Variants in SBF2 observed in about 807,000 individuals in gnomAD.
SBF2 encodes the protein SET binding factor 2.
In SBF2, 112 loss-of-function variants were observed where a neutral mutation model predicts 225.2. The observed-to-expected ratio is 0.50, with a 90% CI of 0.43 to 0.58. The LOEUF (loss-of-function observed/expected upper bound fraction) is 0.58. Among genes scored for constraint, SBF2 ranks in the 20% least tolerant of loss-of-function variants. The pLI is 0.00. For missense variants in SBF2, 1,996 were observed against 2,206.2 expected (o/e 0.90, Z 1.91); for synonymous variants, 763 against 773.3 (o/e 0.99, Z 0.22).
intron 1 of SBF2, among the ~76,000 whole-genome samples, chr11:10,267,399 A>G (rs1401325582): frequency 7.9e-5 from 12 of 152,278 alleles, no homozygotes; most frequent in Non-Finnish European, 1.3e-4. Context: ...AGAACTGATA[A>G]GGGCCTAAAC....
chr11:10,120,950 G>C (rs1350852290), intron 2 of SBF2, among the ~76,000 whole-genome samples: 2 of 151,942 alleles, frequency 1.3e-5, no homozygotes, highest in Non-Finnish European at 2.9e-5. Context: ...ATTTTTGGTA[G>C]AGACGAGGTT....
intron 6 of SBF2, among the ~76,000 whole-genome samples, chr11:10,024,180 T>C (rs918881379): frequency 6.6e-6 from 1 of 152,224 alleles, no homozygotes; most frequent in East Asian, 1.9e-4. Flanking sequence ...TTAGTAGTAT[T>C]ACATTGTATG....
At chr11:10,001,599 A>G (rs1408652452) in intron 7 of SBF2, among the ~76,000 whole-genome samples, 1 of 151,050 alleles carries the variant, frequency 6.6e-6, no homozygotes, top group Non-Finnish European at 1.5e-5. Flanking sequence ...ATCTCGGCTC[A>G]CTGCAAGCTC....
intron 2 of SBF2, among the ~76,000 whole-genome samples, chr11:10,169,290 A>T (rs1222029247): frequency 2.0e-5 from 3 of 151,950 alleles, no homozygotes; most frequent in Non-Finnish European, 4.4e-5. Context: ...ACCCAACTAT[A>T]TTTTTGTGCC....
Position 9,852,708 on chromosome 11 carries a change from G to T in SBF2, c.2578C>A (p.Arg860=), listed in dbSNP as rs764814296. The change falls in exon 21 of 40, where the codon CGA becomes AGA. Residue 860 remains arginine, a synonymous_variant. Coordinates refer to ENST00000256190, the MANE Select transcript of SBF2 (RefSeq NM_030962.4). ...ATAGGCGGAAGTCTTCTGCTTTCTC[G>T]ATGTACTGCTTCTAGGGTCTCAATG... ...MHIETLEAVH[R]ESRRLPPIQK... is the part of the protein sequence containing the mutation. 1.2e-6 allele frequency: 2 copies of T among 1,613,268 alleles called. No homozygotes were observed. Among genetic ancestry groups the T allele is most frequent in the Non-Finnish European group, 1.7e-6 (2 of 1,179,364 alleles).
chr11:10,023,483 A>C (rs1948934506), intron 6 of SBF2, among the ~76,000 whole-genome samples: 1 of 152,182 alleles, frequency 6.6e-6, no homozygotes, highest in African/African-American at 2.4e-5. Context: ...TTGCAGAAGA[A>C]TTTCATTCCT....
intron 6 of SBF2, among the ~76,000 whole-genome samples, chr11:10,023,353 C>A (rs1590780068): frequency 6.6e-6 from 1 of 152,172 alleles, no homozygotes; most frequent in Non-Finnish European, 1.5e-5. Context: ...GTTCTTTTAA[C>A]AAGCCTCTAA....
At chr11:10,064,763 C>T (rs1950572339) in intron 2 of SBF2, among the ~76,000 whole-genome samples, 1 of 152,060 alleles carries the variant, frequency 6.6e-6, no homozygotes, top group Non-Finnish European at 1.5e-5. Flanking sequence ...TAATAAAGAT[C>T]TTTGAACTAT....
intron 6 of SBF2, among the ~76,000 whole-genome samples, chr11:10,010,967 T>G (rs777047207): frequency 6.6e-6 from 1 of 152,130 alleles, no homozygotes; most frequent in East Asian, 1.9e-4. Context: ...CCTTGTAAGT[T>G]GTATTCCTAG....
chr11:9,948,374 A>C (rs1865681151), intron 16 of SBF2, among the ~76,000 whole-genome samples: 1 of 152,156 alleles, frequency 6.6e-6, no homozygotes, highest in African/African-American at 2.4e-5. Context: ...AATATACGTA[A>C]TGCCACTAAG....
rs185816884 is a variant in SBF2, at chr11:10,030,846, A to G, written c.402+202T>C. The stretch of plus-strand genomic sequence containing the variant: ...TTAAAACAAACACTACATCCTTAGA[A>G]GTTTTAGTAGTCACATTAACTTATT... On this transcript the variant is annotated intron_variant, in intron 4 of 39. Transcript: ENST00000256190. Among the ~76,000 whole-genome samples the G allele has an allele frequency of 2.8e-3, 426 of 152,318 alleles. 1 individual carries two copies. Among genetic ancestry groups the G allele is most frequent in the Non-Finnish European group, 2.9e-3 (200 of 68,018 alleles).
chr11:9,928,253 G>A (rs567466666), intron 16 of SBF2, among the ~76,000 whole-genome samples: 71 of 152,038 alleles, frequency 4.7e-4, no homozygotes, highest in Non-Finnish European at 7.1e-4. Context: ...TTCCAAACTC[G>A]GTAATAAGAA....
chr11:10,187,666 C>T (rs1175560776), intron 2 of SBF2, among the ~76,000 whole-genome samples: 2 of 151,640 alleles, frequency 1.3e-5, no homozygotes, highest in Non-Finnish European at 2.9e-5. Flanking sequence ...ATCTAACTTG[C>T]TTTTTCGTTA....
At chr11:10,167,721 GAAGT>G (rs1956026612) in intron 2 of SBF2, among the ~76,000 whole-genome samples, 2 of 152,278 alleles carry the variant, frequency 1.3e-5, no homozygotes, top group East Asian at 3.9e-4. Context: ...TTGCCTTGAT[GAAGT>G]AATAGGCCAC....
chr11:10,271,196 C>CTTTT lies in SBF2; in HGVS notation c.55+22815_55+22818dup, dbSNP rs35931698. On this transcript the variant is annotated intron_variant, in intron 1 of 39. Coordinates refer to ENST00000256190, the MANE Select transcript of SBF2 (RefSeq NM_030962.4). ...AAAACCAAGGACAGCAATCTTGATTCTTTTTTTTTTTTTTTTTTGAAGTTA... is the reference window on the plus strand; with the variant it reads ...AAAACCAAGGACAGCAATCTTGATTCTTTTTTTTTTTTTTTTTTTTTTGAAGTTA... 4.6e-3 allele frequency among the ~76,000 whole-genome samples: 369 copies of CTTTT among 81,074 alleles called. 53 individuals are homozygous for CTTTT. Among genetic ancestry groups the CTTTT allele is most frequent in the Middle Eastern group, 0.014 (2 of 146 alleles). The allele number at this position is 81,074 out of a possible 152,430, so 53.2% of individuals were successfully genotyped here. A position where few individuals can be genotyped will look rare whatever the true frequency, so the allele number is the denominator to read the frequency against.
At chr11:9,998,739 T>C (rs1233282693) in intron 8 of SBF2, among the ~76,000 whole-genome samples, 2 of 152,196 alleles carry the variant, frequency 1.3e-5, no homozygotes, top group Non-Finnish European at 2.9e-5. Flanking sequence ...ATGATGACAA[T>C]GCCTGGGAGG....
chr11:9,930,293 A>G (rs2134255427), intron 16 of SBF2, among the ~76,000 whole-genome samples: 1 of 152,332 alleles, frequency 6.6e-6, no homozygotes, highest in Admixed American at 6.5e-5. Flanking sequence ...ATTCACCATT[A>G]AAAAGGAATG....
intron 6 of SBF2, among the ~76,000 whole-genome samples, chr11:10,017,232 C>T (rs1948688631): frequency 1.3e-5 from 2 of 152,186 alleles, no homozygotes; most frequent in Non-Finnish European, 2.9e-5. Context: ...CCTGCATTCT[C>T]TGAATAATAA....
intron 28 of SBF2, chr11:9,828,406 A>G (rs1383321961): frequency 1.1e-5 from 11 of 985,352 alleles, no homozygotes; most frequent in Non-Finnish European, 1.2e-5. Context: ...ACACATTTGC[A>G]AGATTATAGA....
Sources: gnomAD v4.1 joint callset for allele counts (sites outside exome capture counted in the v4.1 genomes callset) on GRCh38, gnomAD v4.1.1 for gene constraint, MANE v1.5 for transcripts, NCBI Gene and HGNC (gene_info 2026-07-23, HGNC 2026-07-21) for gene names.